The following CREB3L2 variants were observed in gnomAD, a reference collection of about 807,000 sequenced individuals.
CREB3L2 encodes cAMP responsive element binding protein 3 like 2.
CREB3L2 carries 23 observed loss-of-function variants against 57.2 expected under a neutral mutation model. The observed-to-expected ratio is 0.40, with a 90% CI of 0.29 to 0.57. The LOEUF is 0.57. Among genes scored for constraint, CREB3L2 ranks in the 20% least tolerant of loss-of-function variants. The pLI is 0.42. For synonymous variants in CREB3L2, 268 were observed against 265.1 expected, an observed-to-expected ratio of 1.01 and a Z score of -0.11; for missense variants, 628 against 634.7, an observed-to-expected ratio of 0.99 and a Z score of 0.11.
Position 137,946,826 on chromosome 7 carries a change from TTATC to T in CREB3L2, c.103-18464_103-18461del, listed in dbSNP as rs59821602. On this transcript the variant is annotated intron_variant, in intron 1 of 11. Transcript: ENST00000330387. ...TAGTTATATATAGTTATCTATATAG[TTATC>T]TATATATAGTTATCTATATAGTTAT... Among the ~76,000 whole-genome samples the T allele has an allele frequency of 2.2e-3, 77 of 34,988 alleles. 16 individuals carry two copies. Among genetic ancestry groups the T allele is most frequent in the South Asian group, 0.014 (12 of 874 alleles). 23.0% of individuals were successfully genotyped at this position (34,988 alleles called of 152,430 possible). A position where few individuals can be genotyped will look rare whatever the true frequency, so the allele number is the denominator to read the frequency against.
chr7:137,913,171 C>A (rs9886000), intron 3 of CREB3L2, 93 bp from the exon 4 acceptor site: 3 of 1,275,794 alleles, frequency 2.4e-6, no homozygotes, highest in Non-Finnish European at 3.2e-6. Flanking sequence ...GTCTTCCTCT[C>A]GGGACAGCCC....
At chr7:137,903,813 G>C (rs1210770169) in intron 7 of CREB3L2, 146 bp downstream of exon 7, 1 of 680,258 alleles carries the variant, frequency 1.5e-6, no homozygotes, top group African/African-American at 1.8e-5. Context: ...TAACCACTAG[G>C]TGGCAGGCAA....
intron 1 of CREB3L2, among the ~76,000 whole-genome samples, chr7:137,965,664 G>C (rs1471665202): frequency 6.6e-6 from 1 of 152,140 alleles, no homozygotes; most frequent in African/African-American, 2.4e-5. Flanking sequence ...GAAAGCCCTA[G>C]GTTCTCCAGC....
At chr7:137,971,188 C>T (rs1178398791) in intron 1 of CREB3L2, among the ~76,000 whole-genome samples, 3 of 151,976 alleles carry the variant, frequency 2.0e-5, no homozygotes, top group Non-Finnish European at 2.9e-5. Context: ...TGGTGGCTCA[C>T]GCCTGTAATC....
Position 137,905,766 on chromosome 7 carries a change from T to C in CREB3L2, c.851A>G (p.Lys284Arg), listed in dbSNP as rs1403332874. The stretch of plus-strand genomic sequence containing the variant: ...CTCCTCTGATTTTGACAGGGGCAAT[T>C]TGGTGGGGATGGGATAGCCCTCAGC... ...LIAEGYPIPTKLPLSKSEEKA... is the reference protein window; with the variant it reads ...LIAEGYPIPTRLPLSKSEEKA... The change falls in exon 6 of 12, where the codon AAA becomes AGA. Residue 284 changes from lysine to arginine, a missense_variant. By Grantham distance (26) the Lys-to-Arg change is conservative. This residue lies in a region of CREB3L2 where 339 missense variants were observed against 355.4 expected (regional missense o/e 0.95). Coordinates refer to ENST00000330387, the MANE Select transcript of CREB3L2 (RefSeq NM_194071.4). The C allele has an allele frequency of 1.9e-6, 3 of 1,613,962 alleles. No individual in the cohort carries two copies. Among genetic ancestry groups the C allele is most frequent in the South Asian group, 1.1e-5 (1 of 91,084 alleles).
intron 8 of CREB3L2, among the ~76,000 whole-genome samples, chr7:137,895,468 C>T (rs533730707): frequency 1.9e-4 from 29 of 152,254 alleles, no homozygotes; most frequent in South Asian, 6.2e-4. Context: ...AAGGTGCTTT[C>T]GCACCACTTC....
chr7:137,979,900 A>C (rs990118752), intron 1 of CREB3L2, among the ~76,000 whole-genome samples: 1 of 152,224 alleles, frequency 6.6e-6, no homozygotes, highest in Admixed American at 6.5e-5. Context: ...ATCCCCAAGA[A>C]GGGATCCAGG....
chr7:137,938,981 G>C (rs1800837905), intron 1 of CREB3L2, among the ~76,000 whole-genome samples: 1 of 150,008 alleles, frequency 6.7e-6, no homozygotes, highest in African/African-American at 2.4e-5. Flanking sequence ...TTCAGAATTA[G>C]CTAGCACATA....
chr7:137,918,093 C>G (rs910731593), intron 2 of CREB3L2, among the ~76,000 whole-genome samples: 21 of 152,320 alleles, frequency 1.4e-4, no homozygotes, highest in African/African-American at 4.6e-4. Context: ...ACAATGTCCG[C>G]TGCAAAGAAC....
At chr7:137,919,230 G>A (rs1800217687) in intron 2 of CREB3L2, among the ~76,000 whole-genome samples, 1 of 150,968 alleles carries the variant, frequency 6.6e-6, no homozygotes, top group African/African-American at 2.4e-5. Context: ...GGAGTGCAGT[G>A]GTGTGATCTC....
rs71541371 is a variant in CREB3L2, at chr7:137,984,822, G to A, written c.102+16782C>T. ...CAAAGAACAAACTTCTCCATGAAAG[G>A]AGTCTGCGTTTCATGAAAGATCAAA... On this transcript the variant is annotated intron_variant, in intron 1 of 11. Coordinates refer to ENST00000330387, the MANE Select transcript of CREB3L2 (RefSeq NM_194071.4). Among the ~76,000 whole-genome samples the A allele has an allele frequency of 9.3e-3, 1,412 of 152,294 alleles. 10 individuals carry two copies. Among genetic ancestry groups the A allele is most frequent in the Non-Finnish European group, 0.014 (946 of 68,038 alleles).
At chr7:137,948,821 C>G (rs894268393) in intron 1 of CREB3L2, among the ~76,000 whole-genome samples, 1 of 152,130 alleles carries the variant, frequency 6.6e-6, no homozygotes, top group African/African-American at 2.4e-5. Flanking sequence ...ATTTTGTTGT[C>G]CTTGTTCTGT....
intron 1 of CREB3L2, among the ~76,000 whole-genome samples, chr7:137,974,021 T>C (rs1801562637): frequency 6.7e-6 from 1 of 149,862 alleles, no homozygotes; most frequent in Non-Finnish European, 1.5e-5. Flanking sequence ...TATTATAAAG[T>C]TAGAAATAAA....
intron 1 of CREB3L2, among the ~76,000 whole-genome samples, chr7:137,970,496 T>C (rs1011239271): frequency 2.0e-5 from 3 of 150,614 alleles, no homozygotes; most frequent in Non-Finnish European, 4.4e-5. Flanking sequence ...CTAAGTTTCC[T>C]AACTTTACGT....
At chr7:137,949,333 GTGTCGT>G (rs1252488852) in intron 1 of CREB3L2, among the ~76,000 whole-genome samples, 1 of 152,170 alleles carries the variant, frequency 6.6e-6, no homozygotes, top group East Asian at 1.9e-4. Flanking sequence ...GTCAGAAACT[GTGTCGT>G]TGTAAGGTGT....
At chr7:137,955,164 ACGC>A (rs1306119692) in intron 1 of CREB3L2, 1 of 581,792 alleles carries the variant, frequency 1.7e-6, no homozygotes, top group Non-Finnish European at 2.9e-6. Flanking sequence ...GGTTACAGAT[ACGC>A]TACTACTTCA....
intron 1 of CREB3L2, among the ~76,000 whole-genome samples, chr7:137,944,354 T>G (rs1585647849): frequency 6.6e-6 from 1 of 152,362 alleles, no homozygotes; most frequent in African/African-American, 2.4e-5. Flanking sequence ...AATGCTAATA[T>G]TCCCAGTCTC....
chr7:137,954,466 G>A lies in CREB3L2; in HGVS notation c.103-26100C>T, dbSNP rs543725455. Among the ~76,000 whole-genome samples the A allele has an allele frequency of 3.3e-5, 5 of 152,232 alleles. No individual in the cohort carries two copies. The South Asian group carries it at 6.2e-4, about 19-fold the overall frequency. On this transcript the variant is annotated intron_variant, in intron 1 of 11. Transcript: ENST00000330387. ...TCCCTGTTCTAACTATAATGGCCAC[G>A]GCTTTCTATTTTCAGAAAACTTTTA... is the stretch of plus-strand genomic sequence containing the variant.
In CREB3L2 at chr7:137,878,124, C is replaced by CGA. The variant is rs575915784; in HGVS notation, c.*2350_*2351dup. 8.7e-6 allele frequency: 2 copies of CGA among 230,366 alleles called. No individual in the cohort carries two copies. The highest frequency in any genetic ancestry group is 8.6e-6 in the Non-Finnish European group (1 of 116,512). The allele number at this position is 230,366 out of a possible 1,614,324, so 14.3% of individuals were successfully genotyped here. A position where few individuals can be genotyped will look rare whatever the true frequency, so the allele number is the denominator to read the frequency against. ...AGAAAGAGTCCTGCTGTTTGGAGGTCGAGAGAGAGTGACGTCAAGCAAGCG... is the reference window on the plus strand; with the variant it reads ...AGAAAGAGTCCTGCTGTTTGGAGGTCGAGAGAGAGAGTGACGTCAAGCAAGCG... On this transcript the variant is annotated 3_prime_UTR_variant, in exon 12 of 12. Transcript: ENST00000330387.
Sources: allele counts gnomAD v4.1 joint callset (sites outside exome capture counted in the v4.1 genomes callset), GRCh38; gene constraint gnomAD v4.1.1; regional missense constraint gnomAD v4.1.1; transcripts MANE v1.5; gene names NCBI Gene and HGNC (gene_info 2026-07-23, HGNC 2026-07-21).